The following PACRG variants were observed in gnomAD, a reference collection of about 807,000 sequenced individuals.
PACRG encodes the protein parkin coregulated gene protein.
PACRG carries 29 observed loss-of-function variants against 29.7 expected under a neutral mutation model. That is an observed-to-expected ratio of 0.98 (90% CI 0.73 to 1.33). PACRG has a LOEUF of 1.33. Among genes scored for constraint, PACRG ranks in the 40% most tolerant of loss-of-function variants. PACRG has a pLI of 0.00. For missense variants in PACRG, 279 were observed against 316.2 expected (o/e 0.88, Z 0.89); for synonymous variants, 116 against 118.7 (o/e 0.98, Z 0.15).
intron 2 of PACRG, among the ~76,000 whole-genome samples, chr6:162,896,901 G>T (rs1386177740): frequency 6.6e-6 from 1 of 152,226 alleles, no homozygotes; most frequent in African/African-American, 2.4e-5. Context: ...TAGAAGTAAT[G>T]AATAGGCTCT....
intron 1 of PACRG, among the ~76,000 whole-genome samples, chr6:162,761,761 A>G (rs1360949626): frequency 6.6e-6 from 1 of 151,314 alleles, no homozygotes; most frequent in Non-Finnish European, 1.5e-5. Flanking sequence ...ACATGATGAA[A>G]CCCCGTCTCT....
At chr6:163,099,942 C>T (rs980195786) in intron 4 of PACRG, among the ~76,000 whole-genome samples, 96 of 152,190 alleles carry the variant, frequency 6.3e-4, no homozygotes, top group African/African-American at 2.2e-3. Flanking sequence ...CACTCTCAGA[C>T]CTTCTCTCCC....
chr6:163,298,001 C>T (rs2179364), intron 4 of PACRG, among the ~76,000 whole-genome samples: 2 of 152,102 alleles, frequency 1.3e-5, no homozygotes, highest in Admixed American at 6.5e-5. Context: ...GGTGGTGGCC[C>T]GGGATACCTG....
At chr6:163,230,788 G>GATGGTGT (rs1782010500) in intron 4 of PACRG, among the ~76,000 whole-genome samples, 1 of 152,198 alleles carries the variant, frequency 6.6e-6, no homozygotes, top group East Asian at 1.9e-4. Flanking sequence ...AGTTAGGGAG[G>GATGGTGT]GAAAAACCCG....
intron 1 of PACRG, among the ~76,000 whole-genome samples, chr6:162,784,785 T>C (rs1784334871): frequency 6.6e-6 from 1 of 152,158 alleles, no homozygotes; most frequent in South Asian, 2.1e-4. Flanking sequence ...TCTAGAGCAA[T>C]ACTTGAAAAG....
chr6:163,169,555 G>A (rs531815704), intron 4 of PACRG, among the ~76,000 whole-genome samples: 2 of 152,324 alleles, frequency 1.3e-5, no homozygotes, highest in African/African-American at 4.8e-5. Context: ...TGTGGAACTG[G>A]CCCCACTTCA....
At chr6:162,804,051 A>C (rs531577419) in intron 1 of PACRG, among the ~76,000 whole-genome samples, 1 of 152,294 alleles carries the variant, frequency 6.6e-6, no homozygotes, top group South Asian at 2.1e-4. Context: ...ATCGAAACAT[A>C]TTAAACTAAG....
chr6:163,251,087 C>T (rs1782885229), intron 4 of PACRG, among the ~76,000 whole-genome samples: 1 of 151,708 alleles, frequency 6.6e-6, no homozygotes, highest in Non-Finnish European at 1.5e-5. Flanking sequence ...AAGAATGATA[C>T]AGTGGACTCT....
intron 2 of PACRG, among the ~76,000 whole-genome samples, chr6:162,892,214 A>T (rs1337720439): frequency 1.3e-5 from 2 of 152,146 alleles, no homozygotes; most frequent in African/African-American, 2.4e-5. Context: ...TGTCAAGGAA[A>T]CCACTCAGGA....
chr6:163,085,708 C>T (rs571709215), intron 3 of PACRG, among the ~76,000 whole-genome samples: 2 of 152,324 alleles, frequency 1.3e-5, no homozygotes, highest in African/African-American at 2.4e-5. Context: ...TCTACTCAGC[C>T]CTGGGGTTTG....
intron 1 of PACRG, among the ~76,000 whole-genome samples, chr6:162,762,738 A>G (rs1452919507): frequency 1.3e-5 from 2 of 152,252 alleles, no homozygotes; most frequent in African/African-American, 4.8e-5. Context: ...TATCAGATTT[A>G]AAAATCAATT....
At chr6:163,097,835 C>A (rs1297133540) in intron 4 of PACRG, among the ~76,000 whole-genome samples, 1 of 151,972 alleles carries the variant, frequency 6.6e-6, no homozygotes, top group East Asian at 1.9e-4. Flanking sequence ...TAGGTGGTAC[C>A]CTTAGAGAAA....
intron 4 of PACRG, among the ~76,000 whole-genome samples, chr6:163,290,039 G>T (rs751688306): frequency 1.3e-5 from 2 of 151,902 alleles, no homozygotes; most frequent in Admixed American, 1.3e-4. Flanking sequence ...TAGAGACTGG[G>T]TTGGTCAGTT....
At chr6:162,729,722 A>T (rs1178220943) in intron 1 of PACRG, among the ~76,000 whole-genome samples, 1 of 150,828 alleles carries the variant, frequency 6.6e-6, no homozygotes, top group Non-Finnish European at 1.5e-5. Flanking sequence ...TTTTTTTTTT[A>T]CTGGTTGGGG....
intron 4 of PACRG, among the ~76,000 whole-genome samples, chr6:163,141,445 T>TC (rs1491496936): frequency 8.9e-5 from 1 of 11,196 alleles, no homozygotes; most frequent in Non-Finnish European, 1.5e-4. Flanking sequence ...AATGTATGTG[T>TC]TTTTTTTTTT....
chr6:163,212,985 A>G (rs555142948), intron 4 of PACRG, among the ~76,000 whole-genome samples: 7 of 152,222 alleles, frequency 4.6e-5, no homozygotes, highest in African/African-American at 9.6e-5. Flanking sequence ...TCACCTTGTT[A>G]GCCAGGATGG....
intron 2 of PACRG, among the ~76,000 whole-genome samples, chr6:162,905,561 C>A (rs893793828): frequency 5.9e-5 from 9 of 152,250 alleles, no homozygotes; most frequent in African/African-American, 2.2e-4. Flanking sequence ...AGGACCAAAA[C>A]CCAAACCTTC....
intron 2 of PACRG, among the ~76,000 whole-genome samples, chr6:162,840,015 A>G (rs1419603201): frequency 8.0e-6 from 1 of 125,264 alleles, no homozygotes; most frequent in African/African-American, 3.2e-5. Context: ...TATAGTTTGA[A>G]GTCAGGTAGT....
At chr6:163,131,315 CAAAAAA>C (rs55958953) in intron 4 of PACRG, among the ~76,000 whole-genome samples, 3 of 136,212 alleles carry the variant, frequency 2.2e-5, no homozygotes, top group African/African-American at 5.9e-5. Flanking sequence ...CTGTCTCAAA[CAAAAAA>C]AAAAAAAAAA....
Sources: allele counts gnomAD v4.1 joint callset (sites outside exome capture counted in the v4.1 genomes callset), GRCh38; gene constraint gnomAD v4.1.1; transcripts MANE v1.5; gene names NCBI Gene and HGNC (gene_info 2026-07-23, HGNC 2026-07-21).